Variants in CES5A observed in about 807,000 individuals in gnomAD.
CES5A encodes carboxylesterase 5.
Under a neutral mutation model 62.9 loss-of-function variants are expected in CES5A, and 67 were observed. That is an observed-to-expected ratio of 1.07 (90% CI 0.88 to 1.31). The LOEUF (loss-of-function observed/expected upper bound fraction) is 1.31, where lower values mean the gene tolerates loss of function less well. CES5A is among the 50% of genes most tolerant of loss of function. The pLI is 0.00. For missense variants in CES5A, 748 were observed against 708.5 expected, an observed-to-expected ratio of 1.06 and a Z score of -0.63; for synonymous variants, 296 against 280.8, an observed-to-expected ratio of 1.05 and a Z score of -0.54.
chr16:55,909,570 G>GCGCACACACACACA (rs1555485425), intron 1 of CES5A, among the ~76,000 whole-genome samples: 1 of 150,046 alleles, frequency 6.7e-6, no homozygotes, highest in Non-Finnish European at 1.5e-5. Context: ...GTGCGCACGT[G>GCGCACACACACACA]CACACACACA....
chr16:55,906,276 ATTGATG>A (rs1166236056), intron 1 of CES5A, among the ~76,000 whole-genome samples: 2 of 152,190 alleles, frequency 1.3e-5, no homozygotes, highest in African/African-American at 4.8e-5. Flanking sequence ...ACGGGTGTTG[ATTGATG>A]CGGTTTGTAA....
At chr16:55,914,237 G>A (rs534678522) in intron 1 of CES5A, among the ~76,000 whole-genome samples, 1 of 152,266 alleles carries the variant, frequency 6.6e-6, no homozygotes, top group Admixed American at 6.5e-5. Context: ...ATAAAATGGG[G>A]AAAATAGTAT....
chr16:55,914,136 A>G (rs938156485), intron 1 of CES5A, among the ~76,000 whole-genome samples: 1 of 152,234 alleles, frequency 6.6e-6, no homozygotes, highest in Non-Finnish European at 1.5e-5. Context: ...TGTATTACCT[A>G]AAGTTCAACT....
chr16:55,905,397 C>T (rs902456257), intron 1 of CES5A, among the ~76,000 whole-genome samples: 5 of 149,740 alleles, frequency 3.3e-5, no homozygotes, highest in Non-Finnish European at 5.9e-5. Context: ...GATGGAGTCT[C>T]GCTCTGTCAC....
intron 2 of CES5A, among the ~76,000 whole-genome samples, chr16:55,935,293 C>A (rs1461486719): frequency 2.0e-5 from 3 of 152,176 alleles, no homozygotes; most frequent in Non-Finnish European, 4.4e-5. Flanking sequence ...AAAGATATCC[C>A]AGCTCAAAAC....
Position 55,849,765 on chromosome 16 carries a change from C to T in CES5A, c.1282G>A (p.Ala428Thr). The change falls in exon 11 of 13, where the codon GCA becomes ACA. Residue 428 changes from alanine (A) to threonine (T), a missense_variant. Physicochemically the swap from Ala to Thr is moderately conservative, Grantham distance 58 (BLOSUM62 0). Transcript: ENST00000290567. ...ITARYHRDAG[A>T]PVYFYEFRHR... Reference sequence around the variant, plus strand: ...CGAAACTCATAGAAGTAGACAGGTGCACCAGCATCTGACAAAAGGTCAGGG... The same window carrying T: ...CGAAACTCATAGAAGTAGACAGGTGTACCAGCATCTGACAAAAGGTCAGGG... 1 of 1,613,778 alleles carries T rather than the reference C, an allele frequency of 6.2e-7. No individual in the cohort carries two copies. The highest frequency in any genetic ancestry group is 8.5e-7 in the Non-Finnish European group (1 of 1,179,830).
chr16:55,912,705 C>G lies in CES5A; in HGVS notation c.-256+12618G>C, dbSNP rs554795312. On this transcript the variant is annotated intron_variant, in intron 1 of 12. Coordinates refer to the CES5A transcript ENST00000518005. ...TGTGTAGTGTTCAACAGCAAATCCT[C>G]TACTTTGGCTATATTCTTTACCTGC... Among the ~76,000 whole-genome samples the G allele has an allele frequency of 2.6e-5, 4 of 152,256 alleles. No homozygotes were observed. The East Asian group carries it at 5.8e-4, about 22-fold the overall frequency.
At chr16:55,891,982 A>G (rs1407042660) in intron 1 of CES5A, among the ~76,000 whole-genome samples, 2 of 152,176 alleles carry the variant, frequency 1.3e-5, no homozygotes, top group African/African-American at 4.8e-5. Flanking sequence ...AAGAATCTCT[A>G]TTAACATAGC....
chr16:55,875,501 A>C (rs1479683815), upstream of CES5A: 2 of 627,738 alleles, frequency 3.2e-6, no homozygotes, highest in Non-Finnish European at 4.9e-6. Context: ...GAAACAGAAA[A>C]GACATTCCAG....
At chr16:55,877,466 G>GTA (rs10691094), upstream of CES5A, among the ~76,000 whole-genome samples, 5,959 of 147,742 alleles carry the variant, frequency 0.04, 156 homozygotes, top group Middle Eastern at 0.072. Flanking sequence ...GTGTGTGTGT[G>GTA]TATATATATA....
chr16:55,948,493 C>T (rs1242851550), intron 2 of CES5A, among the ~76,000 whole-genome samples: 1 of 152,104 alleles, frequency 6.6e-6, no homozygotes, highest in Admixed American at 6.5e-5. Context: ...CTAGTCTCCT[C>T]TTGTCCTGTA....
intron 8 of CES5A, among the ~76,000 whole-genome samples, chr16:55,858,193 G>A (rs1338783043): frequency 4.6e-5 from 7 of 152,076 alleles, no homozygotes; most frequent in East Asian, 1.9e-4. Flanking sequence ...GAGAGACTCT[G>A]ACTCAAAAAT....
intron 1 of CES5A, among the ~76,000 whole-genome samples, chr16:55,886,304 C>A (rs2033814829): frequency 6.6e-6 from 1 of 152,186 alleles, no homozygotes; most frequent in Non-Finnish European, 1.5e-5. Context: ...GCCAATTACT[C>A]AGGGGCCTGG....
intron 1 of CES5A, chr16:55,955,704 C>A (rs2034602024): frequency 3.6e-6 from 3 of 835,390 alleles, no homozygotes; most frequent in Non-Finnish European, 5.6e-6. Context: ...GTCAAGGTAT[C>A]CATCTAGCCT....
In CES5A at chr16:55,897,800, A is replaced by T. The variant is rs1036957777; in HGVS notation, c.-255-23763T>A. ...TTGTAATAGTAAAAAACTGGAGCCA[A>T]CTCAAATATCCAGCATTGGTAGAAT... On this transcript the variant is annotated intron_variant, in intron 1 of 12. Transcript: ENST00000518005. Among the ~76,000 whole-genome samples the T allele has an allele frequency of 2.6e-5, 4 of 152,352 alleles. No homozygotes were observed. In the South Asian group the frequency reaches 8.3e-4, roughly 32 times the overall value.
intron 1 of CES5A, among the ~76,000 whole-genome samples, chr16:55,908,743 C>T (rs1439047869): frequency 3.9e-5 from 6 of 152,156 alleles, no homozygotes; most frequent in East Asian, 1.9e-4. Context: ...CTGCAATTCC[C>T]GCAGTTTAGT....
At chr16:55,889,746 T>C (rs2033855852) in intron 1 of CES5A, among the ~76,000 whole-genome samples, 2 of 152,048 alleles carry the variant, frequency 1.3e-5, no homozygotes, top group Admixed American at 6.6e-5. Flanking sequence ...TCAATGTCTC[T>C]CCCTTACCCT....
intron 8 of CES5A, among the ~76,000 whole-genome samples, chr16:55,856,811 A>G (rs7499862): frequency 0.33 from 50,162 of 151,938 alleles, 9,497 homozygotes; most frequent in African/African-American, 0.52. Flanking sequence ...GGGTGATTAC[A>G]TTAAAATGTG....
intron 1 of CES5A, among the ~76,000 whole-genome samples, chr16:55,886,078 C>A (rs2033812635): frequency 6.6e-6 from 1 of 152,212 alleles, no homozygotes; most frequent in Non-Finnish European, 1.5e-5. Flanking sequence ...GGCAAACAGG[C>A]CTGGTTTACA....
Sources: gnomAD v4.1 joint callset for allele counts (sites outside exome capture counted in the v4.1 genomes callset) on GRCh38, gnomAD v4.1.1 for gene constraint, MANE v1.5 for transcripts, NCBI Gene and HGNC (gene_info 2026-07-23, HGNC 2026-07-21) for gene names.